Variants in XKR6 observed in about 807,000 individuals in gnomAD.
XKR6 encodes XK related 6.
A neutral mutation model predicts 56.7 loss-of-function variants in XKR6; 22 were observed. The ratio of observed to expected loss-of-function variants is 0.39; its 90% CI spans 0.28 to 0.55. The LOEUF (loss-of-function observed/expected upper bound fraction) is 0.55. Ranked by LOEUF, XKR6 falls within the 20% of genes least tolerant of loss-of-function variation. The pLI, the probability that XKR6 is intolerant of heterozygous loss-of-function variation, is 0.66. For synonymous variants in XKR6, 524 were observed against 387.8 expected (o/e 1.35, Z -4.13); for missense variants, 852 against 889.0 (o/e 0.96, Z 0.53).
chr8:11,052,473 C>A (rs1369432097), intron 1 of XKR6, among the ~76,000 whole-genome samples: 1 of 152,212 alleles, frequency 6.6e-6, no homozygotes, highest in South Asian at 2.1e-4. Flanking sequence ...CGGACCGACA[C>A]TGGCTGGCAT....
At chr8:11,153,693 G>C (rs1299269464) in intron 1 of XKR6, among the ~76,000 whole-genome samples, 2 of 152,142 alleles carry the variant, frequency 1.3e-5, no homozygotes, top group African/African-American at 4.8e-5. Context: ...CTAATTCTTA[G>C]GATGGACAAC....
At chr8:11,031,022 GCT>G (rs1798981497) in intron 1 of XKR6, among the ~76,000 whole-genome samples, 1 of 152,156 alleles carries the variant, frequency 6.6e-6, no homozygotes, top group African/African-American at 2.4e-5. Context: ...ACACCTACTG[GCT>G]CTCTCCTGGC....
intron 1 of XKR6, among the ~76,000 whole-genome samples, chr8:11,104,408 C>A (rs866145028): frequency 6.6e-6 from 1 of 152,212 alleles, no homozygotes; most frequent in African/African-American, 2.4e-5. Flanking sequence ...GCCCTTGGCA[C>A]AGTGATTGGC....
intron 1 of XKR6, among the ~76,000 whole-genome samples, chr8:10,993,053 C>T (rs1798028759): frequency 1.3e-5 from 2 of 152,132 alleles, no homozygotes; most frequent in Admixed American, 1.3e-4. Context: ...GAAAGAGAGG[C>T]AAGATTATTT....
intron 1 of XKR6, among the ~76,000 whole-genome samples, chr8:10,982,593 G>A (rs1489249050): frequency 6.6e-6 from 1 of 152,188 alleles, no homozygotes; most frequent in African/African-American, 2.4e-5. Context: ...TCTGTTTGCT[G>A]TCAAGTTCAG....
intron 1 of XKR6, among the ~76,000 whole-genome samples, chr8:11,134,910 C>G (rs10106157): frequency 0.089 from 13,511 of 151,924 alleles, 2,013 homozygotes; most frequent in African/African-American, 0.31. Flanking sequence ...CATAGGATGA[C>G]ATTTAATAAT....
At chr8:10,995,288 G>C (rs1412042670) in intron 1 of XKR6, among the ~76,000 whole-genome samples, 1 of 151,538 alleles carries the variant, frequency 6.6e-6, no homozygotes, top group Non-Finnish European at 1.5e-5. Context: ...ACTGAAGCAG[G>C]TGGATCACTT....
intron 1 of XKR6, among the ~76,000 whole-genome samples, chr8:11,038,371 T>C (rs922669872): frequency 6.6e-6 from 1 of 152,112 alleles, no homozygotes; most frequent in African/African-American, 2.4e-5. Flanking sequence ...TCACTCGAGG[T>C]CACACAGGTA....
intron 1 of XKR6, among the ~76,000 whole-genome samples, chr8:10,957,131 A>C (rs924561216): frequency 2.6e-5 from 4 of 151,976 alleles, no homozygotes; most frequent in African/African-American, 9.7e-5. Flanking sequence ...TTGTATTTTT[A>C]GTACAGATTG....
At chr8:11,093,796 T>A (rs556946134) in intron 1 of XKR6, among the ~76,000 whole-genome samples, 1 of 152,284 alleles carries the variant, frequency 6.6e-6, no homozygotes, top group East Asian at 1.9e-4. Context: ...TTTTGTTTGT[T>A]TTTTTGAGAT....
At chr8:10,902,788 C>A (rs533357300) in intron 2 of XKR6, among the ~76,000 whole-genome samples, 1 of 152,336 alleles carries the variant, frequency 6.6e-6, no homozygotes, top group South Asian at 2.1e-4. Context: ...GCCTCGTGCC[C>A]CTGATGTGCC....
intron 1 of XKR6, among the ~76,000 whole-genome samples, chr8:10,940,501 C>T (rs113461752): frequency 4.6e-5 from 7 of 152,300 alleles, no homozygotes; most frequent in African/African-American, 1.7e-4. Flanking sequence ...TCACCTGTGT[C>T]CCCCAAGTGG....
intron 1 of XKR6, among the ~76,000 whole-genome samples, chr8:11,165,710 T>C (rs762815110): frequency 2.0e-4 from 31 of 152,130 alleles, no homozygotes; most frequent in Non-Finnish European, 4.0e-4. Context: ...AAATGATTCA[T>C]CAAAGACAGA....
intron 1 of XKR6, among the ~76,000 whole-genome samples, chr8:11,124,988 C>T (rs867024894): frequency 1.3e-5 from 2 of 149,502 alleles, no homozygotes; most frequent in African/African-American, 5.0e-5. Context: ...ACTCGGGAGG[C>T]TGAGGCAGGA....
At chr8:10,953,312 T>A (rs1801784297) in intron 1 of XKR6, among the ~76,000 whole-genome samples, 1 of 152,148 alleles carries the variant, frequency 6.6e-6, no homozygotes, top group Admixed American at 6.6e-5. Context: ...GTGAATTCTC[T>A]GGAGATCTGG....
chr8:11,056,877 T>TTTCAGGCCTCTAGTCTCACCC (rs1799698470), intron 1 of XKR6, among the ~76,000 whole-genome samples: 1 of 152,110 alleles, frequency 6.6e-6, no homozygotes, highest in Non-Finnish European at 1.5e-5. Flanking sequence ...TCTTGGCCCC[T>TTTCAGGCCTCTAGTCTCACCC]TTCAGGCCTC....
At chr8:11,020,019 C>T (rs4541860) in intron 1 of XKR6, among the ~76,000 whole-genome samples, 7,570 of 152,244 alleles carry the variant, frequency 0.05, 591 homozygotes, top group African/African-American at 0.16. Flanking sequence ...AATGGCAGGC[C>T]TCTCCAAGGA....
At chr8:11,025,983 C>A (rs1485138219) in intron 1 of XKR6, among the ~76,000 whole-genome samples, 1 of 152,152 alleles carries the variant, frequency 6.6e-6, no homozygotes, top group Non-Finnish European at 1.5e-5. Flanking sequence ...TAAAACAGCT[C>A]ATGAATACAT....
At chr8:11,066,626 G>C (rs1006488185) in intron 1 of XKR6, among the ~76,000 whole-genome samples, 13 of 152,218 alleles carry the variant, frequency 8.5e-5, no homozygotes, top group African/African-American at 3.1e-4. Flanking sequence ...CACGAGGCCA[G>C]TCCTGAGGAA....
Sources: allele counts gnomAD v4.1 joint callset (sites outside exome capture counted in the v4.1 genomes callset), GRCh38; gene constraint gnomAD v4.1.1; transcripts MANE v1.5; gene names NCBI Gene and HGNC (gene_info 2026-07-23, HGNC 2026-07-21).